The following TSPAN1 variants were observed in gnomAD, a reference collection of about 807,000 sequenced individuals.
TSPAN1 encodes the protein tetraspanin-1.
Under a neutral mutation model 26.9 loss-of-function variants are expected in TSPAN1, and 23 were observed. The observed-to-expected ratio is 0.85, with a 90% CI of 0.62 to 1.21. TSPAN1 has a LOEUF of 1.21. TSPAN1 is among the 50% of genes most tolerant of loss of function. TSPAN1 has a pLI of 0.00. For synonymous variants in TSPAN1, 115 were observed against 114.8 expected, an observed-to-expected ratio of 1.00 and a Z score of -0.01; for missense variants, 283 against 298.4, an observed-to-expected ratio of 0.95 and a Z score of 0.38.
the TSPAN1 span, chr1:46,193,020 C>A: frequency 6.2e-7 from 1 of 1,604,070 alleles, no homozygotes; most frequent in Non-Finnish European, 8.5e-7. Context: ...ATCTCCTTTG[C>A]CCCCAACCCT....
chr1:46,189,558 T>C (rs1479513941), downstream of TSPAN1: 1 of 1,611,310 alleles, frequency 6.2e-7, no homozygotes, highest in Non-Finnish European at 8.5e-7. Flanking sequence ...AGGTCCCAGA[T>C]ATGGAGGCAC....
chr1:46,182,430 C>T (rs1392020280), intron 3 of TSPAN1, among the ~76,000 whole-genome samples: 1 of 151,550 alleles, frequency 6.6e-6, no homozygotes, highest in Non-Finnish European at 1.5e-5. Flanking sequence ...AGGAAGTGGG[C>T]CAGGTGCAGT....
chr1:46,188,621 A>G, downstream of TSPAN1: 1 of 1,507,108 alleles, frequency 6.6e-7, no homozygotes, highest in Non-Finnish European at 8.9e-7. Flanking sequence ...CAACACAAGT[A>G]TTCTCTCCAC....
At chr1:46,193,376 C>T in the TSPAN1 span, 2 of 1,612,838 alleles carry the variant, frequency 1.2e-6, no homozygotes, top group Non-Finnish European at 1.7e-6. Flanking sequence ...AGTGCCACCA[C>T]ATCCATGGGT....
chr1:46,190,047 C>T, downstream of TSPAN1: 1 of 1,599,718 alleles, frequency 6.3e-7, no homozygotes, highest in Non-Finnish European at 8.5e-7. Flanking sequence ...GGGTGTGTCC[C>T]ACAGGACCCT....
chr1:46,184,524 G>GA (rs915239179), intron 4 of TSPAN1, 70 bp from the exon 5 acceptor site: 1 of 1,604,928 alleles, frequency 6.2e-7, no homozygotes, highest in Non-Finnish European at 8.5e-7. Flanking sequence ...TTTTCCGGGG[G>GA]GGGGATTAGG....
downstream of TSPAN1, among the ~76,000 whole-genome samples, chr1:46,186,925 G>C (rs975301769): frequency 1.3e-5 from 2 of 152,034 alleles, no homozygotes; most frequent in African/African-American, 4.8e-5. Flanking sequence ...GCCTCCCAAA[G>C]TGCTGGGATT....
chr1:46,196,222 A>C, the TSPAN1 span: 1 of 1,504,210 alleles, frequency 6.6e-7, no homozygotes, highest in Non-Finnish European at 8.9e-7. This position sits in a 1 kb window ranked among gnomAD's most constrained non-coding sequence, Gnocchi z 4.4. Flanking sequence ...ACTCAGCTCG[A>C]AGGCCACCTC....
intron 3 of TSPAN1, 106 bp downstream of exon 3, chr1:46,181,270 C>T: frequency 9.0e-7 from 1 of 1,116,980 alleles, no homozygotes; most frequent in Non-Finnish European, 1.3e-6. Context: ...CAGGCTTCGT[C>T]CTGCATGTGT....
At chr1:46,179,101 G>C (rs898894318) in intron 1 of TSPAN1, among the ~76,000 whole-genome samples, 1 of 151,800 alleles carries the variant, frequency 6.6e-6, no homozygotes, top group East Asian at 1.9e-4. Context: ...CTGAGGCAGA[G>C]GATTACTTGA....
At chr1:46,189,488 A>G (rs377170894), downstream of TSPAN1, 2 of 1,613,542 alleles carry the variant, frequency 1.2e-6, no homozygotes, top group African/African-American at 1.3e-5. Flanking sequence ...CCCCACCATC[A>G]GGAAGTGGTT....
chr1:46,183,629 A>G (rs1192593461), intron 3 of TSPAN1: 1 of 171,848 alleles, frequency 5.8e-6, no homozygotes, highest in East Asian at 1.4e-4. Flanking sequence ...GGTCTTGTCT[A>G]CATGAGGGGC....
At chr1:46,188,456 C>T (rs1657492917), downstream of TSPAN1, among the ~76,000 whole-genome samples, 1 of 152,210 alleles carries the variant, frequency 6.6e-6, no homozygotes, top group Non-Finnish European at 1.5e-5. Flanking sequence ...AGGGTGGCTG[C>T]TCCAAGCCTC....
At chr1:46,186,407 G>GA (rs1297849248), downstream of TSPAN1, among the ~76,000 whole-genome samples, 1 of 151,846 alleles carries the variant, frequency 6.6e-6, no homozygotes, top group Non-Finnish European at 1.5e-5. Context: ...CTGCTTCTGG[G>GA]ATCTCAGCAA....
downstream of TSPAN1, chr1:46,189,012 G>A (rs750417663): frequency 6.3e-7 from 1 of 1,592,898 alleles, no homozygotes; most frequent in South Asian, 1.1e-5. Context: ...AGGGCAGGAT[G>A]AGCTGCTAGG....
At chr1:46,195,044 CT>C in the TSPAN1 span, 1 of 1,233,128 alleles carries the variant, frequency 8.1e-7, no homozygotes, top group Non-Finnish European at 1.2e-6. Context: ...ATGTAGCAAC[CT>C]TTTACTTAAA....
At chr1:46,196,127 T>C in the TSPAN1 span, 1 of 1,612,888 alleles carries the variant, frequency 6.2e-7, no homozygotes, top group Non-Finnish European at 8.5e-7. The surrounding 1 kb of genome is among the most constrained non-coding windows in gnomAD (Gnocchi z 4.4). Context: ...GCATTCAAGG[T>C]GTCTCTGTCT....
In TSPAN1 at chr1:46,184,809, G is replaced by T; in HGVS notation, c.364G>T (p.Val122Leu). ...TMAEHFLTLL[V>L]VPAIKKDYGS... The stretch of plus-strand genomic sequence containing the variant: ...GGCTGAGCACTTCCTGACGTTGCTG[G>T]TAGTGCCTGCCATCAAGAAAGATTA... Residue 122 changes from valine to leucine, a missense_variant, in exon 6 of 9, where the codon GTA (valine) becomes TTA (leucine). Coordinates refer to ENST00000372003, the MANE Select transcript of TSPAN1 (RefSeq NM_005727.4). 6.2e-7 allele frequency: 1 copy of T among 1,614,220 alleles called. No homozygotes were observed. The highest frequency in any genetic ancestry group is 8.5e-7 in the Non-Finnish European group (1 of 1,180,030).
chr1:46,184,962 C>G lies in TSPAN1; in HGVS notation c.441C>G (p.Leu147=). The change falls in exon 7 of 9, where the codon CTC becomes CTG. Residue 147 remains leucine, a splice_region_variant and synonymous_variant. Transcript: ENST00000372003. ...TQVWNTTMKG[L]KCCGFTNYTD... is the part of the protein sequence containing the mutation. Reference sequence around the variant, plus strand: ...CTCCACCCTCATCTTGTCTCCAGCTCAAGTGCTGTGGCTTCACCAACTATA... The same window carrying G: ...CTCCACCCTCATCTTGTCTCCAGCTGAAGTGCTGTGGCTTCACCAACTATA... 1 of 1,614,224 alleles carries G rather than the reference C, an allele frequency of 6.2e-7. No homozygotes were observed. Among genetic ancestry groups the G allele is most frequent in the Non-Finnish European group, 8.5e-7 (1 of 1,180,042 alleles).
Sources: gnomAD v4.1 joint callset for allele counts (sites outside exome capture counted in the v4.1 genomes callset) on GRCh38, gnomAD v4.1.1 for gene constraint, Gnocchi (gnomAD v3.1) non-coding constraint, MANE v1.5 for transcripts, NCBI Gene and HGNC (gene_info 2026-07-23, HGNC 2026-07-21) for gene names.